Variants in PXN observed in about 807,000 individuals in gnomAD.
The protein encoded by PXN is paxillin.
A neutral mutation model predicts 103.6 loss-of-function variants in PXN; 61 were observed. That is an observed-to-expected ratio of 0.59 (90% CI 0.48 to 0.73). PXN has a LOEUF of 0.73. Ranked by LOEUF, PXN falls within the 30% of genes least tolerant of loss-of-function variation. PXN has a pLI of 0.00. For missense variants in PXN, 1,274 were observed against 1,460.3 expected (o/e 0.87, Z 2.08); for synonymous variants, 562 against 607.8 (o/e 0.92, Z 1.11).
At chr12:120,253,513 G>C (rs1892535648) in intron 1 of PXN, among the ~76,000 whole-genome samples, 1 of 152,168 alleles carries the variant, frequency 6.6e-6, no homozygotes, top group South Asian at 2.1e-4. Flanking sequence ...GACCGGGCTA[G>C]TTGTGGGAAG....
At chr12:120,263,907 C>A (rs906065323) in intron 1 of PXN, among the ~76,000 whole-genome samples, 3 of 152,154 alleles carry the variant, frequency 2.0e-5, no homozygotes, top group African/African-American at 7.2e-5. Context: ...AACAGAACTG[C>A]ACCAGCACTT....
At chr12:120,226,264 C>T in intron 1 of PXN, 4 of 1,288,634 alleles carry the variant, frequency 3.1e-6, no homozygotes, top group African/African-American at 1.5e-5. Context: ...CCATAGGACT[C>T]CCCAGAGCAG....
chr12:120,260,159 G>A (rs1056644369), intron 1 of PXN, among the ~76,000 whole-genome samples: 1 of 152,156 alleles, frequency 6.6e-6, no homozygotes, highest in African/African-American at 2.4e-5. Context: ...GCCTCCCCTG[G>A]AACAGGAGAC....
chr12:120,228,435 G>A lies in PXN; in HGVS notation c.14-4058C>T, dbSNP rs532041203. Among the ~76,000 whole-genome samples, 25 of 152,356 alleles carry A rather than the reference G, an allele frequency of 1.6e-4. No homozygotes were observed. The highest frequency in any genetic ancestry group is 5.3e-4 in the African/African-American group (22 of 41,592). On this transcript the variant is annotated intron_variant, in intron 1 of 14. Coordinates refer to ENST00000637617, the MANE Select transcript of PXN (RefSeq NM_001385981.1). This position sits in a 1 kb window ranked among gnomAD's most constrained non-coding sequence, Gnocchi z 4.7. ...GCAGGCTAGGTGCAAAGTCCCCAGC[G>A]AGCCATGGGCAAAGGCCACGGAGCT...
chr12:120,213,784 C>T lies in PXN; in HGVS notation c.2979+58G>A. The T allele has an allele frequency of 6.4e-7, 1 of 1,562,828 alleles. No individual in the cohort carries two copies. The highest frequency in any genetic ancestry group is 8.7e-7 in the Non-Finnish European group (1 of 1,152,702). ...GATCCAGACAGCACAATGAGGAAGA[C>T]CCCTCTCTCCCCACTGCCTGCTCCT... On this transcript the variant is annotated intron_variant, in intron 14 of 14. Transcript: ENST00000637617. The surrounding 1 kb of genome is among the most constrained non-coding windows in gnomAD (Gnocchi z 4.2).
rs778288721 is a variant in PXN at position 120,222,990 on chromosome 12, G to T, written c.366C>A (p.Asn122Lys). The T allele has an allele frequency of 1.2e-6, 2 of 1,613,974 alleles. No homozygotes were observed. The highest frequency in any genetic ancestry group is 3.3e-5 in the Admixed American group (2 of 60,020). Residue 122 changes from asparagine to lysine, a missense_variant, in exon 4 of 15, where the codon AAC becomes AAA. Coordinates refer to ENST00000637617, the MANE Select transcript of PXN (RefSeq NM_001385981.1). The surrounding 1 kb of genome is among the most constrained non-coding windows in gnomAD (Gnocchi z 4.7). ...GEEEHVYSFP[N>K]KQKSAEPSPT... is the part of the protein sequence containing the mutation. ...GTGAAGGCTCAGCTGATTTCTGCTT[G>T]TTGGGGAAGCTTTGAGAGGCAAAGG...
At chr12:120,249,994 G>C in intron 1 of PXN, 1 of 985,536 alleles carries the variant, frequency 1.0e-6, no homozygotes, top group Non-Finnish European at 1.2e-6. Context: ...GGCAGGCTCA[G>C]GAGGGCTGCC....
intron 1 of PXN, among the ~76,000 whole-genome samples, chr12:120,232,754 G>A (rs1055576469): frequency 2.0e-5 from 3 of 152,096 alleles, no homozygotes; most frequent in South Asian, 2.1e-4. Context: ...ACAGAGACCC[G>A]AACAAAAAGT....
intron 1 of PXN, among the ~76,000 whole-genome samples, chr12:120,257,517 G>A (rs1404037622): frequency 3.9e-5 from 6 of 152,304 alleles, no homozygotes; most frequent in African/African-American, 1.4e-4. Context: ...CCCCTCATGA[G>A]AGCCTGCTGG....
intron 1 of PXN, among the ~76,000 whole-genome samples, chr12:120,234,068 G>A (rs894787929): frequency 7.9e-5 from 12 of 150,970 alleles, no homozygotes; most frequent in African/African-American, 2.9e-4. Flanking sequence ...ACATTATGGA[G>A]TCAAATGCAA....
intron 1 of PXN, among the ~76,000 whole-genome samples, chr12:120,241,383 T>C (rs920418623): frequency 6.6e-6 from 1 of 152,190 alleles, no homozygotes; most frequent in African/African-American, 2.4e-5. Flanking sequence ...AAAACAGATG[T>C]GGCCTCGCTT....
rs1049455307 is a variant in PXN, at chr12:120,221,157, G to A, written c.831+466C>T. Among the ~76,000 whole-genome samples, 1 of 152,162 alleles carries A rather than the reference G, an allele frequency of 6.6e-6. No individual in the cohort carries two copies. The highest frequency in any genetic ancestry group is 1.5e-5 in the Non-Finnish European group (1 of 68,030). On this transcript the variant is annotated intron_variant, in intron 6 of 14. Transcript: ENST00000637617. The surrounding 1 kb of genome is among the most constrained non-coding windows in gnomAD (Gnocchi z 6.6). ...GGAGGCTTGTGGATTCAGGATCAGA[G>A]GCAGAAAGAAAGAGGATGTGTTGAG...
Position 120,219,110 on chromosome 12 carries a change from A to G in PXN, c.1716+97T>C. On this transcript the variant is annotated intron_variant, in intron 7 of 14. Coordinates refer to ENST00000637617, the MANE Select transcript of PXN (RefSeq NM_001385981.1). The surrounding 1 kb of genome is among the most constrained non-coding windows in gnomAD (Gnocchi z 6.5). Reference sequence around the variant, plus strand: ...CTCAGCATTTTCTGCCCAAGCAGACATGCGCAGAGTGGGAGGCTGCATGCA... The same window carrying G: ...CTCAGCATTTTCTGCCCAAGCAGACGTGCGCAGAGTGGGAGGCTGCATGCA... The G allele has an allele frequency of 7.9e-7, 1 of 1,271,342 alleles. No individual in the cohort carries two copies. Among genetic ancestry groups the G allele is most frequent in the African/African-American group, 1.5e-5 (1 of 66,420 alleles). The allele number at this position is 1,271,342 out of a possible 1,614,324, so 78.8% of individuals were successfully genotyped here.
intron 1 of PXN, among the ~76,000 whole-genome samples, chr12:120,251,510 C>G (rs1204735049): frequency 6.7e-6 from 1 of 149,686 alleles, no homozygotes; most frequent in African/African-American, 2.5e-5. Flanking sequence ...AAGCAAGACT[C>G]CATCTCAATA....
At chr12:120,248,492 T>TCTCACACACACA (rs1299076758) in intron 1 of PXN, among the ~76,000 whole-genome samples, 5 of 127,944 alleles carry the variant, frequency 3.9e-5, no homozygotes, top group African/African-American at 1.6e-4. Flanking sequence ...CAGATGACTT[T>TCTCACACACACA]CACACACACA....
chr12:120,236,246 T>G (rs1460920647), intron 1 of PXN, among the ~76,000 whole-genome samples: 1 of 152,234 alleles, frequency 6.6e-6, no homozygotes, highest in Non-Finnish European at 1.5e-5. Flanking sequence ...GACCCTGACG[T>G]GCAATCTGCC....
chr12:120,254,957 C>T (rs776083518), intron 1 of PXN, among the ~76,000 whole-genome samples: 17 of 151,942 alleles, frequency 1.1e-4, no homozygotes, highest in Non-Finnish European at 1.9e-4. Flanking sequence ...AGAGAGGGGG[C>T]GCTAACAGAG....
In PXN at chr12:120,216,991, G is replaced by A. The variant is rs1232337989; in HGVS notation, c.1842C>T (p.Ile614=). 3.8e-6 allele frequency: 6 copies of A among 1,559,292 alleles called. No individual in the cohort carries two copies. The highest frequency in any genetic ancestry group is 1.2e-5 in the South Asian group (1 of 86,044). Residue 614 remains isoleucine (I), a synonymous_variant, in exon 8 of 15, where the codon ATC becomes ATT. Coordinates refer to ENST00000637617, the MANE Select transcript of PXN (RefSeq NM_001385981.1). This position sits in a 1 kb window ranked among gnomAD's most constrained non-coding sequence, Gnocchi z 5.1. ...TGCCCAGCCGCCCCTGCAGCTCCGC[G>A]ATGAGCTGTTCCTGGGATGGGGTCC... is the stretch of plus-strand genomic sequence containing the variant. ...LSRTPSQEQL[I]AELQGRLGIQ...
At position 120,250,889 on chromosome 12, in the gene PXN, A is replaced by G. The variant is rs138433594; in HGVS notation, c.13+14728T>C. Among the ~76,000 whole-genome samples, 278 of 152,294 alleles carry G rather than the reference A, an allele frequency of 1.8e-3. 1 individual carries two copies. The highest frequency in any genetic ancestry group is 6.0e-3 in the African/African-American group (251 of 41,556). Reference sequence around the variant, plus strand: ...AGGCCACGGGAAATGCAGCCAACCTAAAGATGAAGTGGAAGCTTAAATTCG... The same window carrying G: ...AGGCCACGGGAAATGCAGCCAACCTGAAGATGAAGTGGAAGCTTAAATTCG... On this transcript the variant is annotated intron_variant, in intron 1 of 14. Transcript: ENST00000637617.
Sources: gnomAD v4.1 joint callset for allele counts (sites outside exome capture counted in the v4.1 genomes callset) on GRCh38, gnomAD v4.1.1 for gene constraint, Gnocchi (gnomAD v3.1) non-coding constraint, MANE v1.5 for transcripts, NCBI Gene and HGNC (gene_info 2026-07-23, HGNC 2026-07-21) for gene names.